Variants in GTPBP3 observed in about 807,000 individuals in gnomAD.
The protein encoded by GTPBP3 is 5-taurinomethyluridine-[tRNA] synthase subunit GTPB3, mitochondrial.
In GTPBP3, 35 loss-of-function variants were observed where a neutral mutation model predicts 42.0. The ratio of observed to expected loss-of-function variants is 0.83; its 90% CI spans 0.64 to 1.10. GTPBP3 has a LOEUF of 1.10. GTPBP3 is among the 50% of genes least tolerant of loss of function. The pLI is 0.00. For synonymous variants in GTPBP3, 332 were observed against 314.9 expected (o/e 1.05, Z -0.58); for missense variants, 691 against 685.2 (o/e 1.01, Z -0.09).
intron 7 of GTPBP3, 59 bp downstream of exon 7, chr19:17,339,658 C>A: frequency 6.8e-7 from 1 of 1,477,576 alleles, no homozygotes; most frequent in Non-Finnish European, 9.1e-7. Context: ...GCCTTTTCTC[C>A]CTGTTGCGTT....
chr19:17,339,469 G>C lies in GTPBP3; in HGVS notation c.844G>C (p.Gly282Arg). ...KPVSIVSPEP[G>R]TTRDVLETPV... ...TGTGTCCATCGTGTCCCCGGAGCCA[G>C]GGACCACCCGTGACGTGCTGGAGAC... The change falls in exon 7 of 9, where the codon GGG (glycine) becomes CGG (arginine). Residue 282 changes from glycine (G) to arginine (R), a missense_variant. By Grantham distance (125) the Gly-to-Arg change is moderately radical. Coordinates refer to ENST00000324894, the MANE Select transcript of GTPBP3 (RefSeq NM_032620.4). 1 of 1,613,960 alleles carries C rather than the reference G, an allele frequency of 6.2e-7. No individual in the cohort carries two copies. The highest frequency in any genetic ancestry group is 1.1e-5 in the South Asian group (1 of 91,084).
chr19:17,338,954 G>A lies in GTPBP3; in HGVS notation c.592G>A (p.Ala198Thr), dbSNP rs893912860. The A allele has an allele frequency of 6.3e-6, 10 of 1,596,608 alleles. No homozygotes were observed. The South Asian group carries it at 9.1e-5, about 14-fold the overall frequency. Reference protein sequence around the residue: ...CRGWAETLTKALAHVEAYIDF... With the variant: ...CRGWAETLTKTLAHVEAYIDF... Reference sequence around the variant, plus strand: ...ACCTCTGCTCTCCCTGCCCCGCCAGGCTCTGGCCCACGTGGAGGCCTATAT... The same window carrying A: ...ACCTCTGCTCTCCCTGCCCCGCCAGACTCTGGCCCACGTGGAGGCCTATAT... Residue 198 changes from alanine to threonine, a missense_variant and splice_region_variant, in exon 5 of 9, where the codon GCT becomes ACT. By Grantham distance (58) the Ala-to-Thr change is moderately conservative (BLOSUM62 0). Coordinates refer to ENST00000324894, the MANE Select transcript of GTPBP3 (RefSeq NM_032620.4).
Position 17,341,468 on chromosome 19 carries a change from TC to T in GTPBP3, c.1254-9del. 1 of 1,603,336 alleles carries T rather than the reference TC, an allele frequency of 6.2e-7. No individual in the cohort carries two copies. The highest frequency in any genetic ancestry group is 1.7e-5 in the Admixed American group (1 of 59,312). On this transcript the variant is annotated splice_polypyrimidine_tract_variant and intron_variant, in intron 8 of 8. Transcript: ENST00000324894. ...AGGTCGGGAGAGACCATGTCTCTTGTCTCTTCCAGGTGTGGGGACCCGTCCA... is the reference window on the plus strand; with the variant it reads ...AGGTCGGGAGAGACCATGTCTCTTGTTCTTCCAGGTGTGGGGACCCGTCCA...
At chr19:17,339,320 G>A in intron 6 of GTPBP3, 54 bp downstream of exon 6, 1 of 1,581,394 alleles carries the variant, frequency 6.3e-7, no homozygotes, top group Non-Finnish European at 8.6e-7. Context: ...GGGGCCAAGA[G>A]CTGGGTTATT....
intron 5 of GTPBP3, 34 bp from the exon 6 acceptor site, chr19:17,339,089 C>T: frequency 6.2e-7 from 1 of 1,614,170 alleles, no homozygotes; most frequent in Non-Finnish European, 8.5e-7. Context: ...GCTCCCCTCA[C>T]TGTCTCTCTC....
intron 1 of GTPBP3, 93 bp from the exon 2 acceptor site, chr19:17,337,915 C>T: frequency 1.3e-6 from 2 of 1,501,218 alleles, no homozygotes; most frequent in South Asian, 1.2e-5. Flanking sequence ...AACCCCCCCA[C>T]CTGGAGCATC....
chr19:17,339,801 C>CACT (rs1555727137), intron 7 of GTPBP3, among the ~76,000 whole-genome samples: 236 of 141,150 alleles, frequency 1.7e-3, no homozygotes, highest in African/African-American at 6.1e-3. Flanking sequence ...GGCTGGAGTG[C>CACT]AGTGGCGGTA....
At position 17,339,056 on chromosome 19, in the gene GTPBP3, A is replaced by T. The variant is rs770664002; in HGVS notation, c.664+30A>T. 48 of 1,614,002 alleles carry T rather than the reference A, an allele frequency of 3.0e-5. No individual in the cohort carries two copies. Among genetic ancestry groups the T allele is most frequent in the Admixed American group, 8.3e-5 (5 of 60,006 alleles). On this transcript the variant is annotated intron_variant, in intron 5 of 8. Coordinates refer to ENST00000324894, the MANE Select transcript of GTPBP3 (RefSeq NM_032620.4). ...GTCTACCTGGTGGTGGGGGAGGAAG[A>T]CACCTCATATCAGCCCTCAAAGGCT...
In GTPBP3 at chr19:17,339,424, C is replaced by T. The variant is rs375149391; in HGVS notation, c.809-10C>T. On this transcript the variant is annotated splice_polypyrimidine_tract_variant and intron_variant, in intron 6 of 8. Transcript: ENST00000324894. Reference sequence around the variant, plus strand: ...CTCCACCCTCTCCTCTTCTTCTGACCCTCCCCCAGGTCGGAAGCCTGTGTC... The same window carrying T: ...CTCCACCCTCTCCTCTTCTTCTGACTCTCCCCCAGGTCGGAAGCCTGTGTC... 17 of 1,612,634 alleles carry T rather than the reference C, an allele frequency of 1.1e-5. No individual in the cohort carries two copies. The highest frequency in any genetic ancestry group is 1.4e-5 in the Non-Finnish European group (16 of 1,179,432).
chr19:17,338,282 C>A, intron 2 of GTPBP3, 27 bp downstream of exon 2: 1 of 1,602,574 alleles, frequency 6.2e-7, no homozygotes, highest in East Asian at 2.2e-5. Context: ...TCCGAGCCTC[C>A]TGTAGGTCCC....
rs140048775 is a variant in GTPBP3 at position 17,339,184 on chromosome 19, C to T, written c.726C>T (p.Arg242=). The T allele has an allele frequency of 5.0e-6, 8 of 1,613,616 alleles. No individual in the cohort carries two copies. Among genetic ancestry groups the T allele is most frequent in the Non-Finnish European group, 6.8e-6 (8 of 1,180,024 alleles). The part of the protein sequence containing the change: ...ALGAHLRDAR[R]GQRLRSGVHV... ...GTGCACATCTACGAGATGCCAGGCG[C>T]GGGCAGAGGCTCCGCTCAGGGGTGC... Residue 242 remains arginine (R), a synonymous_variant, in exon 6 of 9, where the codon CGC becomes CGT. Transcript: ENST00000324894.
At chr19:17,337,043 C>G (rs1204278455), upstream of GTPBP3, 1 of 152,252 alleles carries the variant, frequency 6.6e-6, no homozygotes, top group Non-Finnish European at 1.5e-5. Flanking sequence ...AAGTAGGACT[C>G]TTTCCAGAAG....
upstream of GTPBP3, chr19:17,335,118 T>A (rs1378439170): frequency 5.2e-6 from 8 of 1,535,462 alleles, no homozygotes; most frequent in Non-Finnish European, 7.0e-6. Flanking sequence ...GAATGTGAGA[T>A]GGGCGTAAGT....
At chr19:17,336,702 C>G (rs1483175173), upstream of GTPBP3, 3 of 152,334 alleles carry the variant, frequency 2.0e-5, no homozygotes, top group East Asian at 5.8e-4. Context: ...TGGAATTCCA[C>G]CATCAGCGCT....
At position 17,338,011 on chromosome 19, in the gene GTPBP3, G is replaced by T. The variant is rs771286716; in HGVS notation, c.57G>T (p.Leu19Phe). The stretch of plus-strand genomic sequence containing the variant: ...TTCGCCTCCCCTCCGGTTCCAGATT[G>T]TGCACGCGCCGGAGCAGCGGCGCAC... ...AAQAARGPRR[L>F]CTRRSSGAPA... Residue 19 changes from leucine to phenylalanine, a missense_variant, in exon 2 of 9, where the codon TTG (leucine) becomes TTT (phenylalanine). By Grantham distance (22) the Leu-to-Phe change is conservative. Coordinates refer to ENST00000324894, the MANE Select transcript of GTPBP3 (RefSeq NM_032620.4). 8 of 1,597,474 alleles carry T rather than the reference G, an allele frequency of 5.0e-6. No homozygotes were observed. In the Admixed American group the frequency reaches 6.7e-5, roughly 13 times the overall value.
rs1441462634 is a variant in GTPBP3 at position 17,337,596 on chromosome 19, C to G, written c.-16C>G. The G allele has an allele frequency of 7.9e-5, 104 of 1,315,038 alleles. No homozygotes were observed. The highest frequency in any genetic ancestry group is 9.5e-5 in the Non-Finnish European group (98 of 1,026,250). 81.5% of individuals were successfully genotyped at this position (1,315,038 alleles called of 1,614,324 possible). On this transcript the variant is annotated 5_prime_UTR_variant, in exon 1 of 9. Transcript: ENST00000324894. The stretch of plus-strand genomic sequence containing the variant: ...ACACAGGCAGGTCGGGCAGGCGGGT[C>G]GCAGGTTGTAAATCCATGTGGCGGG...
In GTPBP3 at chr19:17,338,559, C is replaced by A; in HGVS notation, c.409C>A (p.Pro137Thr). 6.2e-7 allele frequency: 1 copy of A among 1,613,870 alleles called. No individual in the cohort carries two copies. Among genetic ancestry groups the A allele is most frequent in the Non-Finnish European group, 8.5e-7 (1 of 1,179,852 alleles). Reference protein sequence around the residue: ...QALGSVPGLRPAEAGEFTRRA... With the variant: ...QALGSVPGLRTAEAGEFTRRA... ...TGCAGGCAGCGTGCCAGGGCTTCGA[C>A]CGGCGGAGGCAGGCGAGTTCACCAG... Residue 137 changes from proline to threonine, a missense_variant, in exon 4 of 9, where the codon CCG becomes ACG. By Grantham distance (38) the Pro-to-Thr change is conservative (BLOSUM62 -1). Coordinates refer to ENST00000324894, the MANE Select transcript of GTPBP3 (RefSeq NM_032620.4).
upstream of GTPBP3, chr19:17,337,255 A>C (rs1242254949): frequency 4.3e-6 from 1 of 232,176 alleles, no homozygotes; most frequent in East Asian, 8.7e-5. Flanking sequence ...GCGGGACTCA[A>C]AACCTCCCCT....
intron 7 of GTPBP3, among the ~76,000 whole-genome samples, chr19:17,340,038 G>A (rs2051726896): frequency 6.8e-6 from 1 of 147,690 alleles, no homozygotes; most frequent in Admixed American, 6.8e-5. Flanking sequence ...CTGGTGTTTT[G>A]TTTTTGTTTT....
Sources: allele counts gnomAD v4.1 joint callset (sites outside exome capture counted in the v4.1 genomes callset), GRCh38; gene constraint gnomAD v4.1.1; transcripts MANE v1.5; gene names NCBI Gene and HGNC (gene_info 2026-07-23, HGNC 2026-07-21).